Variants in RBKS observed in about 807,000 individuals in gnomAD.
The protein encoded by RBKS is ribokinase.
Under a neutral mutation model 33.9 loss-of-function variants are expected in RBKS, and 33 were observed. That is an observed-to-expected ratio of 0.97 (90% CI 0.74 to 1.30). The LOEUF (loss-of-function observed/expected upper bound fraction) is 1.30. RBKS is among the 50% of genes most tolerant of loss of function. The probability of loss-of-function intolerance (pLI) is 0.00; values close to 1 mark genes in which losing one functional copy is unlikely to be tolerated. For synonymous variants in RBKS, 125 were observed against 143.0 expected (o/e 0.87, Z 0.90); for missense variants, 361 against 392.6 (o/e 0.92, Z 0.68).
chr2:27,871,901 G>C (rs1004267252), intron 1 of RBKS, among the ~76,000 whole-genome samples: 3 of 152,212 alleles, frequency 2.0e-5, no homozygotes, highest in Non-Finnish European at 4.4e-5. Context: ...CTCAATGCTA[G>C]CATCAGTGCC....
chr2:27,874,348 C>A (rs1167650228), intron 1 of RBKS, among the ~76,000 whole-genome samples: 1 of 152,168 alleles, frequency 6.6e-6, no homozygotes, highest in East Asian at 1.9e-4. Context: ...GATATTCAGA[C>A]CCTGTCCTCA....
chr2:27,784,762 G>A (rs1242897850), intron 7 of RBKS, among the ~76,000 whole-genome samples: 1 of 152,200 alleles, frequency 6.6e-6, no homozygotes, highest in Non-Finnish European at 1.5e-5. Context: ...TAGTAATGCG[G>A]TGTGAATGCA....
At chr2:27,850,336 C>A (rs1250900039) in intron 2 of RBKS, among the ~76,000 whole-genome samples, 1 of 152,210 alleles carries the variant, frequency 6.6e-6, no homozygotes, top group African/African-American at 2.4e-5. Flanking sequence ...CATTATCACT[C>A]AAACTCCATA....
intron 7 of RBKS, among the ~76,000 whole-genome samples, chr2:27,801,990 ATATTTTTTTTTT>A (rs1677804657): frequency 9.7e-4 from 69 of 70,836 alleles, no homozygotes; most frequent in African/African-American, 5.1e-3. Flanking sequence ...ATATATATAT[ATATTTTTTTTTT>A]TTTTTTTTTT....
chr2:27,806,595 C>T (rs1197259038), intron 7 of RBKS, among the ~76,000 whole-genome samples: 1 of 152,226 alleles, frequency 6.6e-6, no homozygotes, highest in Non-Finnish European at 1.5e-5. Flanking sequence ...GGTGATAGAA[C>T]TGGAACACCT....
Position 27,781,521 on chromosome 2 carries a change from G to T in RBKS, c.*94C>A. On this transcript the variant is annotated 3_prime_UTR_variant, in exon 8 of 8. Transcript: ENST00000302188. ...AAAGAACTAATATTTGCAAAGAAAG[G>T]GGACGAGGACATTTTCTAATAAGCA... 1 of 952,422 alleles carries T rather than the reference G, an allele frequency of 1.0e-6. No homozygotes were observed. The highest frequency in any genetic ancestry group is 1.5e-6 in the Non-Finnish European group (1 of 645,670). The allele number at this position is 952,422 out of a possible 1,614,324, so 59.0% of individuals were successfully genotyped here. A position where few individuals can be genotyped will look rare whatever the true frequency, so the allele number is the denominator to read the frequency against.
intron 7 of RBKS, among the ~76,000 whole-genome samples, chr2:27,815,140 A>G (rs1027929107): frequency 3.3e-5 from 5 of 151,884 alleles, no homozygotes; most frequent in Non-Finnish European, 7.4e-5. Context: ...ATCAGCAGCA[A>G]TGGGCATTGA....
At chr2:27,875,739 CG>C (rs1664301211) in intron 1 of RBKS, among the ~76,000 whole-genome samples, 1 of 152,076 alleles carries the variant, frequency 6.6e-6, no homozygotes, top group Non-Finnish European at 1.5e-5. Flanking sequence ...TGTATCTCTA[CG>C]TAACAGAGTA....
chr2:27,816,452 T>C (rs1476697186), intron 7 of RBKS, among the ~76,000 whole-genome samples: 1 of 152,184 alleles, frequency 6.6e-6, no homozygotes, highest in African/African-American at 2.4e-5. Context: ...TTTACTAACA[T>C]CATTTCTAAG....
At chr2:27,847,962 T>G in intron 3 of RBKS, 72 bp downstream of exon 3, 1 of 855,858 alleles carries the variant, frequency 1.2e-6, no homozygotes, top group Non-Finnish European at 1.9e-6. Context: ...CTCCTCTAGA[T>G]TCAATTTTTC....
At chr2:27,843,743 A>G (rs377765112) in intron 4 of RBKS, among the ~76,000 whole-genome samples, 1 of 152,240 alleles carries the variant, frequency 6.6e-6, no homozygotes, top group Admixed American at 6.5e-5. Context: ...TGTATCAGAT[A>G]TAGAGGAGAG....
At chr2:27,813,524 A>G (rs1168741360) in intron 7 of RBKS, among the ~76,000 whole-genome samples, 3 of 152,192 alleles carry the variant, frequency 2.0e-5, no homozygotes, top group Non-Finnish European at 2.9e-5. Context: ...TAAGAAGACA[A>G]TTAATGAACT....
rs527910436 is a variant in RBKS, at chr2:27,839,898, C to T, written c.514+3169G>A. Among the ~76,000 whole-genome samples the T allele has an allele frequency of 4.6e-5, 7 of 152,168 alleles. No individual in the cohort carries two copies. In the South Asian group the frequency reaches 6.2e-4, roughly 14 times the overall value. ...CTGGTTTCACAGAAGAAGAAAATGA[C>T]GTCCAGAGTGAGGAACTGACTTACT... On this transcript the variant is annotated intron_variant, in intron 5 of 7. Transcript: ENST00000302188.
At chr2:27,878,070 G>A (rs1394723885) in intron 1 of RBKS, among the ~76,000 whole-genome samples, 1 of 150,772 alleles carries the variant, frequency 6.6e-6, no homozygotes, top group African/African-American at 2.4e-5. Context: ...TACGGTACAT[G>A]TGCACAATGT....
In RBKS at chr2:27,890,118, TTCGAAA is replaced by T; in HGVS notation, c.89+133_89+138del. 2.9e-6 allele frequency: 2 copies of T among 686,762 alleles called. No individual in the cohort carries two copies. The highest frequency in any genetic ancestry group is 4.9e-6 in the Non-Finnish European group (2 of 412,278). The allele number at this position is 686,762 out of a possible 1,614,324, so 42.5% of individuals were successfully genotyped here. A position where few individuals can be genotyped will look rare whatever the true frequency, so the allele number is the denominator to read the frequency against. ...CATGCCAGGAAGGTAGGCTGAAGGC[TTCGAAA>T]ACCTGCAGCTCATACCCAAAGCTAG... is the stretch of plus-strand genomic sequence containing the variant. On this transcript the variant is annotated intron_variant, in intron 1 of 7. Transcript: ENST00000302188. This position sits in a 1 kb window ranked among gnomAD's most constrained non-coding sequence, Gnocchi z 4.8.
chr2:27,879,375 G>T (rs2148230872), intron 1 of RBKS, among the ~76,000 whole-genome samples: 1 of 152,254 alleles, frequency 6.6e-6, no homozygotes, highest in African/African-American at 2.4e-5. Context: ...TGGGAGGTGA[G>T]ACTTTTAAGT....
At chr2:27,853,921 C>G (rs1663800502) in intron 2 of RBKS, among the ~76,000 whole-genome samples, 1 of 152,214 alleles carries the variant, frequency 6.6e-6, no homozygotes, top group African/African-American at 2.4e-5. Context: ...GATTTCACCT[C>G]ATTATATATT....
intron 2 of RBKS, 59 bp downstream of exon 2, chr2:27,858,380 T>G: frequency 6.6e-7 from 1 of 1,519,110 alleles, no homozygotes; most frequent in Non-Finnish European, 8.9e-7. Context: ...AACAATGAAC[T>G]CCAGTCTTAA....
At chr2:27,856,373 A>G (rs1167461086) in intron 2 of RBKS, among the ~76,000 whole-genome samples, 2 of 152,228 alleles carry the variant, frequency 1.3e-5, no homozygotes, top group East Asian at 3.8e-4. Context: ...CACAAATGGT[A>G]CCTTTGCTTT....
Sources: allele counts gnomAD v4.1 joint callset (sites outside exome capture counted in the v4.1 genomes callset), GRCh38; gene constraint gnomAD v4.1.1; non-coding constraint Gnocchi (gnomAD v3.1); transcripts MANE v1.5; gene names NCBI Gene and HGNC (gene_info 2026-07-23, HGNC 2026-07-21).